WDR43: variants seen among roughly 807,000 people sequenced by gnomAD.
WDR43 encodes WD repeat-containing protein 43.
A neutral mutation model predicts 91.4 loss-of-function variants in WDR43; 13 were observed. That is an observed-to-expected ratio of 0.14 (90% CI 0.09 to 0.23). The LOEUF is 0.23. WDR43 is among the 10% of genes least tolerant of loss of function. The pLI is 1.00. For synonymous variants in WDR43, 331 were observed against 287.9 expected (o/e 1.15, Z -1.51); for missense variants, 780 against 809.4 (o/e 0.96, Z 0.44).
chr2:28,910,002 C>T (rs780153097), intron 3 of WDR43, among the ~76,000 whole-genome samples: 117 of 149,366 alleles, frequency 7.8e-4, no homozygotes, highest in Non-Finnish European at 2.4e-4. Flanking sequence ...GAACCAGTTA[C>T]ATTTCCCAGA....
chr2:28,918,557 T>C (rs373634984), intron 6 of WDR43, among the ~76,000 whole-genome samples: 62 of 151,938 alleles, frequency 4.1e-4, no homozygotes, highest in African/African-American at 1.4e-3. Context: ...TTAGTAGAGA[T>C]GGGGTTTCTC....
At chr2:28,941,325 AGCCACT>A in intron 14 of WDR43, 130 bp from the exon 15 acceptor site, 1 of 587,426 alleles carries the variant, frequency 1.7e-6, no homozygotes, top group African/African-American at 1.9e-5. Flanking sequence ...TGTTGCAGGT[AGCCACT>A]GCCACTGGGA....
chr2:28,939,406 A>C (rs903139233), intron 14 of WDR43, among the ~76,000 whole-genome samples: 1 of 152,212 alleles, frequency 6.6e-6, no homozygotes. Context: ...CTCCTGAGGT[A>C]TAACCAGAGT....
chr2:28,898,268 G>A (rs1368828908), intron 1 of WDR43, among the ~76,000 whole-genome samples: 1 of 152,222 alleles, frequency 6.6e-6, no homozygotes, highest in Non-Finnish European at 1.5e-5. Context: ...GAAGCACATG[G>A]CATTTCAGAC....
chr2:28,939,708 G>C (rs1196740454), intron 14 of WDR43, among the ~76,000 whole-genome samples: 1 of 152,144 alleles, frequency 6.6e-6, no homozygotes, highest in Non-Finnish European at 1.5e-5. Flanking sequence ...CTTAAACCTT[G>C]CTTTACTAAT....
chr2:28,940,189 C>CG (rs1209768479), intron 14 of WDR43, among the ~76,000 whole-genome samples: 3 of 148,510 alleles, frequency 2.0e-5, no homozygotes, highest in Non-Finnish European at 4.4e-5. Flanking sequence ...CAGAATATCA[C>CG]GGGGGTAGGG....
At chr2:28,928,548 C>T (rs986809922) in intron 10 of WDR43, among the ~76,000 whole-genome samples, 1 of 152,122 alleles carries the variant, frequency 6.6e-6, no homozygotes, top group Non-Finnish European at 1.5e-5. Flanking sequence ...TAGGATAAAC[C>T]AAGCACATCT....
At chr2:28,928,527 C>CT (rs1431367921) in intron 10 of WDR43, among the ~76,000 whole-genome samples, 3 of 152,072 alleles carry the variant, frequency 2.0e-5, no homozygotes, top group Admixed American at 6.5e-5. Flanking sequence ...CCTTTTTAAT[C>CT]TTTTTTGTGT....
At chr2:28,936,511 T>A (rs1472632683) in intron 12 of WDR43, among the ~76,000 whole-genome samples, 1 of 152,198 alleles carries the variant, frequency 6.6e-6, no homozygotes, top group Non-Finnish European at 1.5e-5. Context: ...CTTTGTATTT[T>A]AAAAATCGAG....
At chr2:28,937,240 C>T (rs1241462134) in intron 13 of WDR43, among the ~76,000 whole-genome samples, 2 of 152,034 alleles carry the variant, frequency 1.3e-5, no homozygotes, top group African/African-American at 2.4e-5. Flanking sequence ...TAGTACCTGC[C>T]GAACCTCTGA....
chr2:28,937,063 C>A, intron 13 of WDR43, 110 bp downstream of exon 13: 3 of 981,344 alleles, frequency 3.1e-6, no homozygotes, highest in Non-Finnish European at 3.0e-6. Flanking sequence ...AAATATTAAC[C>A]CCTCGCCACC....
chr2:28,910,808 C>T (rs966878906), intron 3 of WDR43, among the ~76,000 whole-genome samples: 14 of 151,742 alleles, frequency 9.2e-5, no homozygotes, highest in Non-Finnish European at 2.1e-4. Flanking sequence ...AGCAATCCTC[C>T]TGTCTCAGCC....
chr2:28,946,516 C>G lies in WDR43; in HGVS notation c.1854+17C>G, dbSNP rs774975513. On this transcript the variant is annotated intron_variant, in intron 17 of 17. Transcript: ENST00000407426. ...GATTCTGAAGTGAGTGATTTGTTCC[C>G]TGTATATACATCGGCCTTTATATCC... The G allele has an allele frequency of 5.6e-6, 9 of 1,607,862 alleles. No homozygotes were observed. Among genetic ancestry groups the G allele is most frequent in the Non-Finnish European group, 7.6e-6 (9 of 1,176,514 alleles).
intron 6 of WDR43, among the ~76,000 whole-genome samples, chr2:28,922,187 A>G (rs1164149469): frequency 6.6e-6 from 1 of 152,216 alleles, no homozygotes; most frequent in Non-Finnish European, 1.5e-5. Flanking sequence ...TAATTGATAT[A>G]TTACAGTTGT....
intron 12 of WDR43, 31 bp downstream of exon 12, chr2:28,935,638 C>G (rs769402206): frequency 6.9e-7 from 1 of 1,451,432 alleles, no homozygotes; most frequent in African/African-American, 1.4e-5. Context: ...TTTCAGCATC[C>G]TAATGCCATG....
intron 3 of WDR43, among the ~76,000 whole-genome samples, chr2:28,907,205 T>G (rs1333554377): frequency 2.0e-5 from 3 of 152,148 alleles, no homozygotes; most frequent in Non-Finnish European, 4.4e-5. Flanking sequence ...CCACCTACTG[T>G]GTAGTTGAGG....
chr2:28,913,931 A>G (rs895032291), intron 4 of WDR43, 138 bp from the exon 5 acceptor site: 1 of 999,092 alleles, frequency 1.0e-6, no homozygotes, highest in Non-Finnish European at 1.5e-6. Flanking sequence ...TTTGCTTAGA[A>G]TTGAATTGAA....
Position 28,905,765 on chromosome 2 carries a change from C to T in WDR43, c.364-695C>T, listed in dbSNP as rs192498814. Among the ~76,000 whole-genome samples, 198 of 151,246 alleles carry T rather than the reference C, an allele frequency of 1.3e-3. 1 individual carries two copies. The highest frequency in any genetic ancestry group is 2.3e-3 in the Non-Finnish European group (158 of 67,854). ...CTGCAACCTCTGCCTCTCAGGTTCA[C>T]ATGATTCTCCTGCCTCAGCCTCTCA... On this transcript the variant is annotated intron_variant, in intron 2 of 17. Transcript: ENST00000407426.
intron 2 of WDR43, among the ~76,000 whole-genome samples, chr2:28,904,151 C>T (rs985686362): frequency 3.9e-5 from 6 of 152,068 alleles, no homozygotes; most frequent in African/African-American, 7.3e-5. Flanking sequence ...ATTGTAAATA[C>T]ATCTTCGACA....
Sources: allele counts gnomAD v4.1 joint callset (sites outside exome capture counted in the v4.1 genomes callset), GRCh38; gene constraint gnomAD v4.1.1; transcripts MANE v1.5; gene names NCBI Gene and HGNC (gene_info 2026-07-23, HGNC 2026-07-21).